LRP2: variants seen among roughly 807,000 people sequenced by gnomAD.
LRP2 encodes the protein LDL receptor related protein 2.
LRP2 carries 172 observed loss-of-function variants against 531.0 expected under a neutral mutation model. That is an observed-to-expected ratio of 0.32 (90% CI 0.29 to 0.37). The LOEUF (loss-of-function observed/expected upper bound fraction) is 0.37, where lower values mean the gene tolerates loss of function less well. Among genes scored for constraint, LRP2 ranks in the 10% least tolerant of loss-of-function variants. LRP2 has a pLI of 1.00. For missense variants in LRP2, 5,167 were observed against 5,868.3 expected (o/e 0.88, Z 3.90); for synonymous variants, 1,992 against 2,027.6 (o/e 0.98, Z 0.47).
chr2:169,268,907 T>G (rs1451932372), intron 16 of LRP2, among the ~76,000 whole-genome samples: 1 of 152,152 alleles, frequency 6.6e-6, no homozygotes, highest in Non-Finnish European at 1.5e-5. Flanking sequence ...CAGCAAAGTC[T>G]CAGGATACAA....
intron 1 of LRP2, among the ~76,000 whole-genome samples, chr2:169,328,020 G>T (rs1334922633): frequency 3.6e-5 from 5 of 139,906 alleles, no homozygotes; most frequent in African/African-American, 1.1e-4. Flanking sequence ...AGGTGGGGGG[G>T]GGTCAGCCCC....
chr2:169,274,870 C>T (rs1325271960), intron 14 of LRP2, among the ~76,000 whole-genome samples, 166 bp downstream of exon 14: 2 of 152,118 alleles, frequency 1.3e-5, no homozygotes, highest in Admixed American at 6.6e-5. Flanking sequence ...ATGCTCCTAA[C>T]CTGCAGAACC....
intron 1 of LRP2, among the ~76,000 whole-genome samples, chr2:169,326,610 G>A (rs1405767979): frequency 7.9e-5 from 12 of 152,088 alleles, no homozygotes; most frequent in African/African-American, 1.4e-4. Context: ...CCAAAGTGCC[G>A]AGATTGCAGC....
intron 40 of LRP2, 54 bp from the exon 41 acceptor site, chr2:169,205,691 TAA>T (rs113353000): frequency 3.4e-3 from 4,081 of 1,199,638 alleles, no homozygotes; most frequent in African/African-American, 6.3e-3. Flanking sequence ...CATAGTCCTT[TAA>T]AAAAAAAAAA....
intron 1 of LRP2, among the ~76,000 whole-genome samples, chr2:169,361,901 C>G (rs369245997): frequency 2.0e-5 from 3 of 152,252 alleles, no homozygotes; most frequent in Admixed American, 6.5e-5. Flanking sequence ...CCGGGAGGGG[C>G]GCTGCAGGTG....
Position 169,181,467 on chromosome 2 carries a change from C to T in LRP2, c.10150G>A (p.Ala3384Thr). The T allele has an allele frequency of 6.2e-7, 1 of 1,614,144 alleles. No homozygotes were observed. The highest frequency in any genetic ancestry group is 8.5e-7 in the Non-Finnish European group (1 of 1,179,970). Residue 3384 changes from alanine to threonine, a missense_variant, in exon 52 of 79, where the codon GCC (alanine) becomes ACC (threonine). By Grantham distance (58) the Ala-to-Thr change is moderately conservative. Transcript: ENST00000649046. Reference protein sequence around the residue: ...YTNDLLYWADAHLGYIEYSDL... With the variant: ...YTNDLLYWADTHLGYIEYSDL... ...ACGTACTCTATGTAACCCAGGTGGGCATCTGCCCAGTAGAGTAGATCATTG... is the reference window on the plus strand; with the variant it reads ...ACGTACTCTATGTAACCCAGGTGGGTATCTGCCCAGTAGAGTAGATCATTG...
intron 1 of LRP2, among the ~76,000 whole-genome samples, chr2:169,357,862 A>G (rs1686034884): frequency 1.3e-5 from 2 of 152,196 alleles, no homozygotes; most frequent in Admixed American, 1.3e-4. Context: ...CCTAATAATT[A>G]CCTTTAGTAA....
chr2:169,167,365 T>G (rs542403401), intron 61 of LRP2, among the ~76,000 whole-genome samples: 1 of 152,298 alleles, frequency 6.6e-6, no homozygotes, highest in South Asian at 2.1e-4. Context: ...AAATGAGTAG[T>G]GATGAAGCTG....
Position 169,247,411 on chromosome 2 carries a change from G to T in LRP2, c.2875C>A (p.His959Asn). The change falls in exon 20 of 79, where the codon CAT becomes AAT. Residue 959 changes from histidine (H) to asparagine (N), a missense_variant. By Grantham distance (68) the His-to-Asn change is moderately conservative (BLOSUM62 1). Around this residue, in one of 6 missense-constraint regions of LRP2, gnomAD observed 2,811 missense variants for 3,058.0 expected, o/e 0.92. Coordinates refer to ENST00000649046, the MANE Select transcript of LRP2 (RefSeq NM_004525.3). ...ATGTTGACATCATACGATTTCAAATGCAGTATGTAAGCAATGCCACTTCGG... is the reference window on the plus strand; with the variant it reads ...ATGTTGACATCATACGATTTCAAATTCAGTATGTAAGCAATGCCACTTCGG... ...VIRSGIAYILHLKSYDVNIQT... is the reference protein window; with the variant it reads ...VIRSGIAYILNLKSYDVNIQT... The T allele has an allele frequency of 6.2e-7, 1 of 1,614,096 alleles. No individual in the cohort carries two copies. The highest frequency in any genetic ancestry group is 8.5e-7 in the Non-Finnish European group (1 of 1,179,966).
chr2:169,294,735 A>C lies in LRP2; in HGVS notation c.428-25T>G, dbSNP rs758338745. The stretch of plus-strand genomic sequence containing the variant: ...TCTATTGTAAAAAAAAAAAAAAAAA[A>C]AAAAAGGAAAAGGAAACAGTAAACA... On this transcript the variant is annotated intron_variant, in intron 4 of 78. Transcript: ENST00000649046. 4.9e-6 allele frequency: 7 copies of C among 1,415,844 alleles called. No homozygotes were observed. In the African/African-American group the frequency reaches 1.0e-4, roughly 20 times the overall value. 87.7% of individuals were successfully genotyped at this position (1,415,844 alleles called of 1,614,324 possible). A position where few individuals can be genotyped will look rare whatever the true frequency, so the allele number is the denominator to read the frequency against.
intron 4 of LRP2, among the ~76,000 whole-genome samples, chr2:169,296,373 C>G (rs1490659492): frequency 6.6e-6 from 1 of 151,796 alleles, no homozygotes; most frequent in Non-Finnish European, 1.5e-5. Context: ...AGAGTTATTG[C>G]GTCTTTCCTC....
At chr2:169,293,751 G>A (rs550836703) in intron 6 of LRP2, among the ~76,000 whole-genome samples, 1 of 152,238 alleles carries the variant, frequency 6.6e-6, no homozygotes, top group South Asian at 2.1e-4. Flanking sequence ...AAGTAAAGAG[G>A]AGAGTTAGAG....
chr2:169,175,843 C>T (rs766198054), intron 54 of LRP2, among the ~76,000 whole-genome samples: 3 of 152,288 alleles, frequency 2.0e-5, no homozygotes, highest in Non-Finnish European at 4.4e-5. Flanking sequence ...TCACTACAAT[C>T]GTCTACCTCT....
intron 1 of LRP2, among the ~76,000 whole-genome samples, chr2:169,328,036 C>T (rs983874247): frequency 1.4e-5 from 2 of 139,672 alleles, no homozygotes; most frequent in Non-Finnish European, 3.1e-5. Context: ...GCCCCCTGCC[C>T]GGCCAGCCGC....
At chr2:169,178,503 A>G (rs1159714997) in intron 52 of LRP2, among the ~76,000 whole-genome samples, 2 of 152,226 alleles carry the variant, frequency 1.3e-5, no homozygotes, top group Non-Finnish European at 2.9e-5. Context: ...ATTCTAGGAG[A>G]TAGTTGCATT....
intron 9 of LRP2, among the ~76,000 whole-genome samples, chr2:169,285,585 G>T (rs772635659): frequency 6.6e-6 from 1 of 151,954 alleles, no homozygotes; most frequent in Non-Finnish European, 1.5e-5. Flanking sequence ...AAATACTGCT[G>T]TGAAAATGAC....
At chr2:169,361,330 G>GTCTCTCTCTCTCTCTC (rs1405262223) in intron 1 of LRP2, among the ~76,000 whole-genome samples, 1 of 32,180 alleles carries the variant, frequency 3.1e-5, no homozygotes, top group East Asian at 6.9e-4. Flanking sequence ...GTCTCTCTCT[G>GTCTCTCTCTCTCTCTC]TCTCTCTCTG....
At chr2:169,339,216 A>T (rs1232577051) in intron 1 of LRP2, among the ~76,000 whole-genome samples, 2 of 152,052 alleles carry the variant, frequency 1.3e-5, no homozygotes, top group African/African-American at 2.4e-5. Context: ...AAAATAACCT[A>T]ATTATGTAGC....
Position 169,244,727 on chromosome 2 carries a change from A to G in LRP2, c.3396T>C (p.Asn1132=), listed in dbSNP as rs1249978324. 5.0e-6 allele frequency: 8 copies of G among 1,614,074 alleles called. No individual in the cohort carries two copies. In the Admixed American group the frequency reaches 1.0e-4, roughly 20 times the overall value. Residue 1132 remains asparagine, a synonymous_variant, in exon 22 of 79, where the codon AAT becomes AAC. Transcript: ENST00000649046. ...TTTCATCAGATCCATCCCCACAATC[A>G]TTGTCTGTGTCACAGACCCAGTTCT... ...ISKNWVCDTD[N]DCGDGSDEKN...
Sources: gnomAD v4.1 joint callset for allele counts (sites outside exome capture counted in the v4.1 genomes callset) on GRCh38, gnomAD v4.1.1 for gene constraint, gnomAD v4.1.1 regional missense constraint, MANE v1.5 for transcripts, NCBI Gene and HGNC (gene_info 2026-07-23, HGNC 2026-07-21) for gene names.